The following DAAM2 variants were observed in gnomAD, a reference collection of about 807,000 sequenced individuals.
DAAM2 encodes the protein disheveled-associated activator of morphogenesis 2.
Under a neutral mutation model 120.7 loss-of-function variants are expected in DAAM2, and 39 were observed. The ratio of observed to expected loss-of-function variants is 0.32; its 90% confidence interval spans 0.25 to 0.42. The LOEUF is 0.42. DAAM2 is among the 10% of genes least tolerant of loss of function. DAAM2 has a pLI of 1.00. For missense variants in DAAM2, 1,283 were observed against 1,401.7 expected, an observed-to-expected ratio of 0.92 and a Z score of 1.35; for synonymous variants, 488 against 524.9, an observed-to-expected ratio of 0.93 and a Z score of 0.96.
chr6:39,835,157 A>C (rs1763056293), intron 1 of DAAM2, among the ~76,000 whole-genome samples: 1 of 152,230 alleles, frequency 6.6e-6, no homozygotes, highest in Non-Finnish European at 1.5e-5. Context: ...ACATCTGAAC[A>C]GGCCAAGAAA....
At chr6:39,868,582 A>G in intron 6 of DAAM2, 1 of 532,084 alleles carries the variant, frequency 1.9e-6, no homozygotes, top group Non-Finnish European at 3.4e-6. Context: ...CATGTAGACC[A>G]AGCCCCAAAG....
At chr6:39,813,315 G>C (rs1033715782) in intron 1 of DAAM2, among the ~76,000 whole-genome samples, 2 of 152,156 alleles carry the variant, frequency 1.3e-5, no homozygotes, top group African/African-American at 4.8e-5. Flanking sequence ...GAGTCTGGCT[G>C]CTCTTCCACT....
chr6:39,847,982 C>T (rs776707184), intron 1 of DAAM2, among the ~76,000 whole-genome samples: 2 of 152,154 alleles, frequency 1.3e-5, no homozygotes, highest in South Asian at 4.1e-4. Flanking sequence ...CTTTTTGAGC[C>T]CTGAGAGGTG....
chr6:39,795,967 G>C (rs1761688046), intron 1 of DAAM2, among the ~76,000 whole-genome samples: 1 of 152,140 alleles, frequency 6.6e-6, no homozygotes, highest in Non-Finnish European at 1.5e-5. Context: ...GGACCAATTG[G>C]ATCTTGAAGG....
chr6:39,898,917 G>C lies in DAAM2; in HGVS notation c.2659G>C (p.Gly887Arg), dbSNP rs535373875. 1 of 1,612,552 alleles carries C rather than the reference G, an allele frequency of 6.2e-7. No homozygotes were observed. The highest frequency in any genetic ancestry group is 1.3e-5 in the African/African-American group (1 of 75,020). Residue 887 changes from glycine to arginine, a missense_variant, in exon 22 of 25, where the codon GGC (glycine) becomes CGC (arginine). Physicochemically the swap from Gly to Arg is moderately radical, Grantham distance 125. Around this residue, in one of 3 missense-constraint regions of DAAM2, gnomAD observed 748 missense variants for 768.6 expected, o/e 0.97. Coordinates refer to ENST00000274867, the MANE Select transcript of DAAM2 (RefSeq NM_001201427.2). ...GAAGGAGGTGGGCAACCTCAGGAGG[G>C]GCCTGAGAGCGGTGGAGGTGGTGAG... is the stretch of plus-strand genomic sequence containing the variant. ...LEKEVGNLRR[G>R]LRAVEVELEY...
chr6:39,796,734 C>A (rs1761715992), intron 1 of DAAM2, among the ~76,000 whole-genome samples: 1 of 151,652 alleles, frequency 6.6e-6, no homozygotes, highest in Admixed American at 6.6e-5. Flanking sequence ...TCCTATGGTT[C>A]CAAGGAAGAG....
Position 39,878,062 on chromosome 6 carries a change from TC to T in DAAM2, c.1302-140del, listed in dbSNP as rs1247242544. ...GGGACCTGGAGAGACACCTGGGAAGTCTAAATCCTAGCCCCCTTGATGTGGC... is the reference window on the plus strand; with the variant it reads ...GGGACCTGGAGAGACACCTGGGAAGTTAAATCCTAGCCCCCTTGATGTGGC... On this transcript the variant is annotated intron_variant, in intron 11 of 24. Transcript: ENST00000274867. The surrounding 1 kb of genome is among the most constrained non-coding windows in gnomAD (Gnocchi z 5.0). The T allele has an allele frequency of 1.3e-6, 1 of 796,934 alleles. No homozygotes were observed. Among genetic ancestry groups the T allele is most frequent in the East Asian group, 2.7e-5 (1 of 37,580 alleles). 49.4% of individuals were successfully genotyped at this position (796,934 alleles called of 1,614,324 possible).
Position 39,867,788 on chromosome 6 carries a change from T to C in DAAM2, c.707T>C (p.Val236Ala). The C allele has an allele frequency of 6.2e-7, 1 of 1,612,886 alleles. No individual in the cohort carries two copies. The stretch of plus-strand genomic sequence containing the variant: ...CTCGTGCCTGGTGGCCACAAGAAGG[T>C]GCTGCAGGCCATGCTGCACTACCAG... ...VCLVPGGHKK[V>A]LQAMLHYQVY... The change falls in exon 6 of 25, where the codon GTG (valine) becomes GCG (alanine). Residue 236 changes from valine (V) to alanine (A), a missense_variant. Val to Ala is a moderately conservative substitution (Grantham distance 64, BLOSUM62 0). Coordinates refer to ENST00000274867, the MANE Select transcript of DAAM2 (RefSeq NM_001201427.2).
intron 2 of DAAM2, 71 bp from the exon 3 acceptor site, chr6:39,860,857 C>T: frequency 1.6e-6 from 2 of 1,238,210 alleles, no homozygotes; most frequent in South Asian, 1.3e-5. Flanking sequence ...ATTGTAATTT[C>T]CTGCAGGGCT....
chr6:39,883,327 A>G (rs1383052646), intron 14 of DAAM2, among the ~76,000 whole-genome samples: 1 of 151,974 alleles, frequency 6.6e-6, no homozygotes. Context: ...GGATGGTAAC[A>G]CCTTCCCTGG....
intron 1 of DAAM2, among the ~76,000 whole-genome samples, chr6:39,850,409 A>T (rs1445545306): frequency 6.6e-6 from 1 of 151,334 alleles, no homozygotes; most frequent in Non-Finnish European, 1.5e-5. Flanking sequence ...CTGCCCAAAC[A>T]CCTCGTTCTC....
At position 39,857,584 on chromosome 6, in the gene DAAM2, A is replaced by G. The variant is rs183226562; in HGVS notation, c.168+1114A>G. 2.2e-4 allele frequency among the ~76,000 whole-genome samples: 33 copies of G among 152,260 alleles called. No individual in the cohort carries two copies. The East Asian group carries it at 4.5e-3, about 21-fold the overall frequency. On this transcript the variant is annotated intron_variant, in intron 2 of 24. Coordinates refer to ENST00000274867, the MANE Select transcript of DAAM2 (RefSeq NM_001201427.2). ...TAATATCTGGAGCCTGATTAGTGTT[A>G]GGGATATTTTCTTGAGTAGAGTGAG... is the stretch of plus-strand genomic sequence containing the variant.
intron 1 of DAAM2, among the ~76,000 whole-genome samples, chr6:39,794,900 A>G (rs1406158986): frequency 1.3e-5 from 2 of 152,068 alleles, no homozygotes; most frequent in Non-Finnish European, 2.9e-5. Context: ...GACAGAAGGG[A>G]CCCCTCGGAA....
rs1205181448 is a variant in DAAM2, at chr6:39,822,698, G to T, written c.-57+30233G>T. On this transcript the variant is annotated intron_variant, in intron 1 of 24. Transcript: ENST00000274867. ...AGATTAAGGACCTTTCCTTAAAGATGCAGGGCTGGTAAATGGCAAAGCCAG... is the reference window on the plus strand; with the variant it reads ...AGATTAAGGACCTTTCCTTAAAGATTCAGGGCTGGTAAATGGCAAAGCCAG... The T allele has an allele frequency of 2.0e-5, 3 of 152,198 alleles. No homozygotes were observed. In the East Asian group the frequency reaches 5.8e-4, roughly 29 times the overall value. 9.4% of individuals were successfully genotyped at this position (152,198 alleles called of 1,614,324 possible). A position where few individuals can be genotyped will look rare whatever the true frequency, so the allele number is the denominator to read the frequency against.
chr6:39,813,924 G>A (rs1762236866), intron 1 of DAAM2, among the ~76,000 whole-genome samples: 1 of 152,188 alleles, frequency 6.6e-6, no homozygotes, highest in Non-Finnish European at 1.5e-5. Context: ...GAGGAGATAA[G>A]TCAAGTGAGG....
At position 39,904,188 on chromosome 6, in the gene DAAM2, T is replaced by C. The variant is rs1186023931; in HGVS notation, c.*2151T>C. The C allele has an allele frequency of 8.8e-6, 4 of 456,588 alleles. No individual in the cohort carries two copies. Among genetic ancestry groups the C allele is most frequent in the Non-Finnish European group, 1.8e-5 (4 of 226,968 alleles). The allele number at this position is 456,588 out of a possible 1,614,324, so 28.3% of individuals were successfully genotyped here. ...GAAGCTGTTCAAGATACATTTGATCTTCAGAAAAGCAGAATTTGGTTCAAC... is the reference window on the plus strand; with the variant it reads ...GAAGCTGTTCAAGATACATTTGATCCTCAGAAAAGCAGAATTTGGTTCAAC... On this transcript the variant is annotated 3_prime_UTR_variant, in exon 25 of 25. Transcript: ENST00000274867.
At position 39,875,313 on chromosome 6, in the gene DAAM2, T is replaced by C. The variant is rs548865808; in HGVS notation, c.1163-17T>C. 6.2e-7 allele frequency: 1 copy of C among 1,611,864 alleles called. No homozygotes were observed. The highest frequency in any genetic ancestry group is 2.2e-5 in the East Asian group (1 of 44,870). On this transcript the variant is annotated splice_polypyrimidine_tract_variant and intron_variant, in intron 10 of 24. Transcript: ENST00000274867. ...ACTTCAGGACTCAGGAAAGATATGA[T>C]ACCTGTCATCCCTCAGACAAACGGA...
chr6:39,847,454 G>C (rs1316535889), intron 1 of DAAM2, among the ~76,000 whole-genome samples: 4 of 152,296 alleles, frequency 2.6e-5, no homozygotes, highest in African/African-American at 9.6e-5. Flanking sequence ...GAGGCCTCGG[G>C]TTCTCCTGTG....
chr6:39,802,459 A>C (rs1169299353), intron 1 of DAAM2, among the ~76,000 whole-genome samples: 1 of 152,204 alleles, frequency 6.6e-6, no homozygotes, highest in Non-Finnish European at 1.5e-5. Flanking sequence ...AAAAAGAAAA[A>C]AGAAAGTCCT....
Sources: allele counts gnomAD v4.1 joint callset (sites outside exome capture counted in the v4.1 genomes callset), GRCh38; gene constraint gnomAD v4.1.1; regional missense constraint gnomAD v4.1.1; non-coding constraint Gnocchi (gnomAD v3.1); transcripts MANE v1.5; gene names NCBI Gene and HGNC (gene_info 2026-07-23, HGNC 2026-07-21).